Variants in RPS21 observed in about 807,000 individuals in gnomAD.
RPS21 encodes ribosomal protein S21, also known as small ribosomal subunit protein eS21.
RPS21 carries 6 observed loss-of-function variants against 14.5 expected under a neutral mutation model. The observed-to-expected ratio is 0.41, with a 90% CI of 0.23 to 0.82. The LOEUF (loss-of-function observed/expected upper bound fraction) is 0.82. Among genes scored for constraint, RPS21 ranks in the 40% least tolerant of loss-of-function variants. RPS21 has a pLI of 0.31. For missense variants in RPS21, 85 were observed against 115.0 expected (o/e 0.74, Z 1.19); for synonymous variants, 61 against 42.6 (o/e 1.43, Z -1.69).
rs776287665 is a variant in RPS21, at chr20:62,387,645, C to G, written c.85C>G (p.His29Asp). The G allele has an allele frequency of 3.0e-5, 49 of 1,613,894 alleles. No homozygotes were observed. The highest frequency in any genetic ancestry group is 4.1e-5 in the Non-Finnish European group (48 of 1,179,964). The change falls in exon 3 of 6, where the codon CAC becomes GAC. Residue 29 changes from histidine to aspartate, a missense_variant. By Grantham distance (81) the His-to-Asp change is moderately conservative. Transcript: ENST00000343986. ...CAATCGCATCATCGGTGCCAAGGAC[C>G]ACGCATCCATCCAGATGAACGTGGC... ...ASNRIIGAKDHASIQMNVAEV... is the reference protein window; with the variant it reads ...ASNRIIGAKDDASIQMNVAEV...
chr20:62,387,515 T>C, intron 2 of RPS21, 96 bp from the exon 3 acceptor site: 1 of 1,586,316 alleles, frequency 6.3e-7, no homozygotes, highest in South Asian at 1.1e-5. Flanking sequence ...GCCCCCGACG[T>C]TACTCTTTTC....
chr20:62,387,435 C>T (rs753712346), intron 2 of RPS21, 47 bp downstream of exon 2: 3 of 1,603,384 alleles, frequency 1.9e-6, no homozygotes, highest in Middle Eastern at 3.3e-4. Flanking sequence ...CTAACCACCA[C>T]GTCCCCTCGC....
chr20:62,388,495 T>G lies in RPS21; in HGVS notation c.*29T>G, dbSNP rs773703409. 6.2e-7 allele frequency: 1 copy of G among 1,611,134 alleles called. No homozygotes were observed. ...GAGAGAATCACAGATGTGGAATATT[T>G]GTCATAAATAAATAATGAAAACCTA... is the stretch of plus-strand genomic sequence containing the variant. On this transcript the variant is annotated 3_prime_UTR_variant, in exon 6 of 6. Transcript: ENST00000343986.
intron 3 of RPS21, 65 bp from the exon 4 acceptor site, chr20:62,387,778 T>C: frequency 6.2e-7 from 1 of 1,613,820 alleles, no homozygotes; most frequent in Non-Finnish European, 8.5e-7. Flanking sequence ...AGGCAGAGGC[T>C]GGCTTTGAGG....
At chr20:62,388,158 C>T (rs909715432) in intron 4 of RPS21, 151 bp from the exon 5 acceptor site, 2 of 1,473,050 alleles carry the variant, frequency 1.4e-6, no homozygotes, top group Non-Finnish European at 1.8e-6. Context: ...AGTCAGGCTG[C>T]AGGCTGCCCC....
In RPS21 at chr20:62,387,869, T is replaced by C. The variant is rs1321814218; in HGVS notation, c.141T>C (p.Asn47=). The stretch of plus-strand genomic sequence containing the variant: ...TTGACAAGGTCACAGGCAGGTTTAA[T>C]GGCCAGTTTAAAACTTATGCTATCT... ...AEVDKVTGRF[N]GQFKTYAICG... The change falls in exon 4 of 6, where the codon AAT becomes AAC. Residue 47 remains asparagine (N), a synonymous_variant. Transcript: ENST00000343986. 1 of 1,614,182 alleles carries C rather than the reference T, an allele frequency of 6.2e-7. No individual in the cohort carries two copies. Among genetic ancestry groups the C allele is most frequent in the Non-Finnish European group, 8.5e-7 (1 of 1,180,034 alleles).
chr20:62,387,328 C>G lies in RPS21; in HGVS notation c.-11C>G. On this transcript the variant is annotated 5_prime_UTR_variant, in exon 2 of 6. Transcript: ENST00000343986. ...CGCGCGGTGACTCCCCAGGCGCAGC[C>G]CAGCCTCGAAATGCAGAACGACGCC... The G allele has an allele frequency of 6.3e-7, 1 of 1,595,254 alleles. No individual in the cohort carries two copies. The highest frequency in any genetic ancestry group is 1.1e-5 in the South Asian group (1 of 88,152).
At chr20:62,388,076 G>T in intron 4 of RPS21, 162 bp downstream of exon 4, 1 of 1,549,268 alleles carries the variant, frequency 6.5e-7, no homozygotes, top group Non-Finnish European at 8.7e-7. Context: ...GAAGAGGGGT[G>T]CTCTGAGAAG....
At chr20:62,388,145 C>T in intron 4 of RPS21, 164 bp from the exon 5 acceptor site, 1 of 1,485,254 alleles carries the variant, frequency 6.7e-7, no homozygotes, top group Admixed American at 2.3e-5. Context: ...CCCGCTCCAC[C>T]ATAGTCAGGC....
At chr20:62,387,483 C>T (rs980294031) in intron 2 of RPS21, 95 bp downstream of exon 2, 6 of 1,585,200 alleles carry the variant, frequency 3.8e-6, no homozygotes, top group East Asian at 4.5e-5. Flanking sequence ...GTCCTTACCT[C>T]GTCACGTCCC....
In RPS21 at chr20:62,388,299, TTTTC is replaced by T. The variant is rs1987823250; in HGVS notation, c.187-7_187-4del. On this transcript the variant is annotated splice_polypyrimidine_tract_variant and splice_region_variant and intron_variant, in intron 4 of 5. Transcript: ENST00000343986. ...AAATATTCTTAGTGTGCTTTTTTTT[TTTTC>T]TTAAGGGTGAGTCAGATGATTCCAT... 1 of 1,584,296 alleles carries T rather than the reference TTTTC, an allele frequency of 6.3e-7. No homozygotes were observed. The highest frequency in any genetic ancestry group is 8.5e-7 in the Non-Finnish European group (1 of 1,172,702).
chr20:62,387,517 A>G (rs1987776973), intron 2 of RPS21, 94 bp from the exon 3 acceptor site: 1 of 1,582,746 alleles, frequency 6.3e-7, no homozygotes, highest in Non-Finnish European at 8.6e-7. Flanking sequence ...CCCCGACGTT[A>G]CTCTTTTCCA....
chr20:62,387,751 C>T (rs1247033623), intron 3 of RPS21, 77 bp downstream of exon 3: 11 of 1,613,902 alleles, frequency 6.8e-6, no homozygotes, highest in South Asian at 1.1e-5. Flanking sequence ...GTGGAGGAGC[C>T]CCTGGGGTGA....
In RPS21 at chr20:62,387,854, C is replaced by T; in HGVS notation, c.126C>T (p.Val42=). 2.5e-6 allele frequency: 4 copies of T among 1,614,146 alleles called. No homozygotes were observed. Among genetic ancestry groups the T allele is most frequent in the South Asian group, 1.1e-5 (1 of 91,084 alleles). ...IQMNVAEVDK[V]TGRFNGQFKT... is the part of the protein sequence containing the mutation. ...TCTTCTCTTTCTAGGTTGACAAGGT[C>T]ACAGGCAGGTTTAATGGCCAGTTTA... The change falls in exon 4 of 6, where the codon GTC becomes GTT. Residue 42 remains valine (V), a synonymous_variant. Coordinates refer to ENST00000343986, the MANE Select transcript of RPS21 (RefSeq NM_001024.4).
rs960247985 is a variant in RPS21, at chr20:62,387,926, C to T, written c.186+12C>T. On this transcript the variant is annotated intron_variant, in intron 4 of 5. Transcript: ENST00000343986. Reference sequence around the variant, plus strand: ...CCATTCGTAGGATGGTGAGTGTTTCCCTGGGCTTTGCTCATCACTTCGGGA... The same window carrying T: ...CCATTCGTAGGATGGTGAGTGTTTCTCTGGGCTTTGCTCATCACTTCGGGA... The T allele has an allele frequency of 5.6e-6, 9 of 1,614,066 alleles. No individual in the cohort carries two copies. Among genetic ancestry groups the T allele is most frequent in the African/African-American group, 1.3e-5 (1 of 74,932 alleles).
At position 62,387,468 on chromosome 20, in the gene RPS21, C is replaced by T. The variant is rs1025344388; in HGVS notation, c.50+80C>T. On this transcript the variant is annotated intron_variant, in intron 2 of 5. Coordinates refer to ENST00000343986, the MANE Select transcript of RPS21 (RefSeq NM_001024.4). ...CGCCTGCCCTTGTTCCCCCACACCC[C>T]TCCCGTCCTTACCTCGTCACGTCCC... is the stretch of plus-strand genomic sequence containing the variant. The T allele has an allele frequency of 5.0e-5, 80 of 1,593,992 alleles. 1 individual carries two copies. Among genetic ancestry groups the T allele is most frequent in the Non-Finnish European group, 6.2e-5 (72 of 1,163,548 alleles).
At chr20:62,387,412 C>T (rs768858886) in intron 2 of RPS21, 24 bp downstream of exon 2, 4 of 1,607,788 alleles carry the variant, frequency 2.5e-6, no homozygotes, top group South Asian at 2.2e-5. Flanking sequence ...ACATGCCTCT[C>T]TTCCGTCCTT....
chr20:62,387,413 T>C, intron 2 of RPS21, 25 bp downstream of exon 2: 6 of 1,608,118 alleles, frequency 3.7e-6, no homozygotes, highest in African/African-American at 1.3e-5. Context: ...CATGCCTCTC[T>C]TCCGTCCTTA....
intron 2 of RPS21, 84 bp downstream of exon 2, chr20:62,387,472 C>T: frequency 1.3e-6 from 2 of 1,589,434 alleles, no homozygotes; most frequent in Non-Finnish European, 1.7e-6. Flanking sequence ...ACACCCCTCC[C>T]GTCCTTACCT....
Sources: gnomAD v4.1 joint callset for allele counts on GRCh38, gnomAD v4.1.1 for gene constraint, MANE v1.5 for transcripts, NCBI Gene and HGNC (gene_info 2026-07-23, HGNC 2026-07-21) for gene names.